SPG11: variants seen among roughly 807,000 people sequenced by gnomAD.
SPG11 encodes SPG11 vesicle trafficking associated, spatacsin.
A neutral mutation model predicts 274.0 loss-of-function variants in SPG11; 222 were observed. The ratio of observed to expected loss-of-function variants is 0.81; its 90% CI spans 0.73 to 0.91. The LOEUF is 0.91. SPG11 is among the 40% of genes least tolerant of loss of function. The pLI is 0.00. For synonymous variants in SPG11, 1,144 were observed against 1,039.7 expected, an observed-to-expected ratio of 1.10 and a Z score of -1.93; for missense variants, 3,114 against 2,872.7, an observed-to-expected ratio of 1.08 and a Z score of -1.92.
At chr15:44,572,931 G>A (rs1348825420) in intron 32 of SPG11, 111 bp from the exon 33 acceptor site, 3 of 1,064,120 alleles carry the variant, frequency 2.8e-6, no homozygotes, top group Non-Finnish European at 4.3e-6. Flanking sequence ...CTCTCCGCTT[G>A]CTGAGCTTGA....
chr15:44,585,473 G>A (rs2082738979), intron 29 of SPG11, among the ~76,000 whole-genome samples, 163 bp downstream of exon 29: 1 of 151,256 alleles, frequency 6.6e-6, no homozygotes, highest in Admixed American at 6.6e-5. Flanking sequence ...ATGGTGGTGG[G>A]CACCTGTAGT....
rs754363984 is a variant in SPG11 at position 44,598,591 on chromosome 15, C to A, written c.3892+40G>T. 4 of 1,589,014 alleles carry A rather than the reference C, an allele frequency of 2.5e-6. No individual in the cohort carries two copies. The African/African-American group carries it at 4.0e-5, about 16-fold the overall frequency. On this transcript the variant is annotated intron_variant, in intron 22 of 39. Transcript: ENST00000261866. The stretch of plus-strand genomic sequence containing the variant: ...ATTCAATGCCTTAGACCTCGTCACA[C>A]CTTCTCTAAACAAAGCAGGCCAGAT...
At position 44,570,548 on chromosome 15, in the gene SPG11, G is replaced by T; in HGVS notation, c.6454C>A (p.Pro2152Thr). 6.2e-7 allele frequency: 1 copy of T among 1,614,104 alleles called. No individual in the cohort carries two copies. The highest frequency in any genetic ancestry group is 8.5e-7 in the Non-Finnish European group (1 of 1,179,968). The change falls in exon 34 of 40, where the codon CCC (proline) becomes ACC (threonine). Residue 2152 changes from proline (P) to threonine (T), a missense_variant. Pro to Thr is a conservative substitution (Grantham distance 38). Transcript: ENST00000261866. ...AHMLTDNHLA[P>T]SEEYGLVVRL... ...ACCACCAGCCCATACTCCTCACTGGGGGCCAGGTGGTTATCTGTGAGCATG... is the reference window on the plus strand; with the variant it reads ...ACCACCAGCCCATACTCCTCACTGGTGGCCAGGTGGTTATCTGTGAGCATG...
At chr15:44,603,128 C>T (rs2556569) in intron 20 of SPG11, among the ~76,000 whole-genome samples, 5,414 of 149,672 alleles carry the variant, frequency 0.036, 193 homozygotes, top group Non-Finnish European at 0.05. Flanking sequence ...GACCATAGCT[C>T]ACTGCAGCCT....
chr15:44,583,013 C>T (rs1333004583), intron 30 of SPG11, among the ~76,000 whole-genome samples: 1 of 152,104 alleles, frequency 6.6e-6, no homozygotes, highest in Admixed American at 6.6e-5. Context: ...ACTGAAAGGC[C>T]TAGTCAGTGC....
chr15:44,602,127 T>C (rs569108818), intron 20 of SPG11, among the ~76,000 whole-genome samples: 1 of 152,356 alleles, frequency 6.6e-6, no homozygotes, highest in South Asian at 2.1e-4. Flanking sequence ...GTAGAGTCTT[T>C]AGGATTTTCT....
intron 20 of SPG11, 36 bp from the exon 21 acceptor site, chr15:44,600,668 T>A: frequency 3.1e-6 from 5 of 1,600,618 alleles, no homozygotes; most frequent in Non-Finnish European, 4.3e-6. Context: ...ATTATCTGTA[T>A]ATCACCATAA....
chr15:44,601,643 C>T lies in SPG11; in HGVS notation c.3521-1011G>A, dbSNP rs569124933. Among the ~76,000 whole-genome samples, 77 of 151,698 alleles carry T rather than the reference C, an allele frequency of 5.1e-4. 1 individual carries two copies. Among genetic ancestry groups the T allele is most frequent in the African/African-American group, 1.8e-3 (75 of 41,318 alleles). On this transcript the variant is annotated intron_variant, in intron 20 of 39. Transcript: ENST00000261866. ...CACAATCTCAGCTCACTGCAACTTC[C>T]GCCTCCTGGGTTCAAGTGATTCTCC...
chr15:44,570,807 G>C, intron 33 of SPG11, 149 bp from the exon 34 acceptor site: 1 of 946,206 alleles, frequency 1.1e-6, no homozygotes, highest in Non-Finnish European at 1.6e-6. Flanking sequence ...CCTGAACTTA[G>C]CAGCTGTAGC....
intron 21 of SPG11, 88 bp downstream of exon 21, chr15:44,600,379 G>A: frequency 6.9e-7 from 1 of 1,440,494 alleles, no homozygotes; most frequent in Non-Finnish European, 9.7e-7. Flanking sequence ...TGAACTCCTG[G>A]GCTCAAGTGA....
chr15:44,613,359 G>T, intron 17 of SPG11, 71 bp downstream of exon 17: 1 of 1,001,846 alleles, frequency 1.0e-6, no homozygotes, highest in Non-Finnish European at 1.6e-6. Flanking sequence ...GAGTTCACAA[G>T]TTTAATACCA....
In SPG11 at chr15:44,621,942, C is replaced by T. The variant is rs777673463; in HGVS notation, c.2445-8G>A. 7 of 1,598,508 alleles carry T rather than the reference C, an allele frequency of 4.4e-6. No homozygotes were observed. Among genetic ancestry groups the T allele is most frequent in the South Asian group, 1.1e-5 (1 of 87,764 alleles). ...TGTTCCTTTATCCAGTACCTAAAAACAGTGATATAAATTTTTTTTTTTTTA... is the reference window on the plus strand; with the variant it reads ...TGTTCCTTTATCCAGTACCTAAAAATAGTGATATAAATTTTTTTTTTTTTA... On this transcript the variant is annotated splice_region_variant and splice_polypyrimidine_tract_variant and intron_variant, in intron 13 of 39. Coordinates refer to ENST00000261866, the MANE Select transcript of SPG11 (RefSeq NM_025137.4).
At position 44,584,490 on chromosome 15, in the gene SPG11, G is replaced by T; in HGVS notation, c.5190C>A (p.Phe1730Leu). ...TAAAATTCTCATGGCATTTTTTCCA[G>T]AAGTCAATTCTTGCTTGTTTTAGTG... is the stretch of plus-strand genomic sequence containing the variant. ...QWSLKQARID[F>L]WKKCHENFKK... is the part of the protein sequence containing the mutation. The change falls in exon 30 of 40, where the codon TTC (phenylalanine) becomes TTA (leucine). Residue 1730 changes from phenylalanine to leucine, a missense_variant. By Grantham distance (22) the Phe-to-Leu change is conservative (BLOSUM62 0). Coordinates refer to ENST00000261866, the MANE Select transcript of SPG11 (RefSeq NM_025137.4). 6.2e-7 allele frequency: 1 copy of T among 1,614,084 alleles called. No homozygotes were observed. The highest frequency in any genetic ancestry group is 8.5e-7 in the Non-Finnish European group (1 of 1,180,034).
rs754740320 is a variant in SPG11 at position 44,617,946 on chromosome 15, G to A, written c.2834+2244C>T. ...CTACCTCAGCCTCCCAAAGTGCTGG[G>A]ATTACAGGTGTGAGCCACCGTGCCC... On this transcript the variant is annotated intron_variant, in intron 15 of 39. Transcript: ENST00000261866. Among the ~76,000 whole-genome samples the A allele has an allele frequency of 3.1e-4, 47 of 152,040 alleles. 1 individual carries two copies. The highest frequency in any genetic ancestry group is 6.6e-4 in the Non-Finnish European group (45 of 67,970).
At chr15:44,663,361 C>T (rs756390280) in intron 1 of SPG11, 30 bp downstream of exon 1, 24 of 1,598,370 alleles carry the variant, frequency 1.5e-5, no homozygotes, top group African/African-American at 2.7e-5. Context: ...CTGGACTCCC[C>T]CAACGGCCCA....
At position 44,575,838 on chromosome 15, in the gene SPG11, A is replaced by G. The variant is rs187041791; in HGVS notation, c.5867-797T>C. Among the ~76,000 whole-genome samples, 47 of 152,102 alleles carry G rather than the reference A, an allele frequency of 3.1e-4. 1 individual carries two copies. The East Asian group carries it at 8.5e-3, about 28-fold the overall frequency. On this transcript the variant is annotated intron_variant, in intron 30 of 39. Coordinates refer to ENST00000261866, the MANE Select transcript of SPG11 (RefSeq NM_025137.4). ...ATAGTAAAATTAAAATCTATTCCTG[A>G]TTTTTTTTAAAACGAAGCTCTTGGA... is the stretch of plus-strand genomic sequence containing the variant.
chr15:44,604,070 C>A (rs987125549), intron 20 of SPG11: 6 of 397,638 alleles, frequency 1.5e-5, no homozygotes, highest in African/African-American at 4.3e-5. Flanking sequence ...ACACTGTGAT[C>A]TGGTTCCAGA....
At chr15:44,648,281 C>T (rs1478315483) in intron 7 of SPG11, among the ~76,000 whole-genome samples, 3 of 152,156 alleles carry the variant, frequency 2.0e-5, no homozygotes, top group South Asian at 2.1e-4. Flanking sequence ...TAGGACACAG[C>T]GGGTGAATCA....
chr15:44,660,603 C>G lies in SPG11; in HGVS notation c.271G>C (p.Asp91His). 6.2e-7 allele frequency: 1 copy of G among 1,614,000 alleles called. No homozygotes were observed. Among genetic ancestry groups the G allele is most frequent in the Non-Finnish European group, 8.5e-7 (1 of 1,179,988 alleles). The part of the protein sequence containing the change: ...EGPFWHFLWE[D>H]SRNSSTPTEK... ...GTTGGTGTGCTGCTGTTACGAGAATCCTCCCATAGAAAGCTAAGAAAAAAA... is the reference window on the plus strand; with the variant it reads ...GTTGGTGTGCTGCTGTTACGAGAATGCTCCCATAGAAAGCTAAGAAAAAAA... The change falls in exon 2 of 40, where the codon GAT (aspartate) becomes CAT (histidine). Residue 91 changes from aspartate (D) to histidine (H), a missense_variant. Coordinates refer to ENST00000261866, the MANE Select transcript of SPG11 (RefSeq NM_025137.4).
Sources: gnomAD v4.1 joint callset for allele counts (sites outside exome capture counted in the v4.1 genomes callset) on GRCh38, gnomAD v4.1.1 for gene constraint, MANE v1.5 for transcripts, NCBI Gene and HGNC (gene_info 2026-07-23, HGNC 2026-07-21) for gene names.